Variants in PDE4B observed in about 807,000 individuals in gnomAD.
PDE4B encodes 3',5'-cyclic-AMP phosphodiesterase 4B.
A neutral mutation model predicts 82.2 loss-of-function variants in PDE4B; 20 were observed. That is an observed-to-expected ratio of 0.24 (90% CI 0.17 to 0.35). The LOEUF is 0.35. Among genes scored for constraint, PDE4B ranks in the 10% least tolerant of loss-of-function variants. The pLI, the probability that PDE4B is intolerant of heterozygous loss-of-function variation, is 1.00. For missense variants in PDE4B, 655 were observed against 907.2 expected (o/e 0.72, Z 3.57); for synonymous variants, 320 against 318.9 (o/e 1.00, Z -0.04).
chr1:65,866,208 A>G (rs1571037296), intron 1 of PDE4B, among the ~76,000 whole-genome samples: 1 of 152,110 alleles, frequency 6.6e-6, no homozygotes, highest in Non-Finnish European at 1.5e-5. Context: ...TTTTATGGTT[A>G]TATGGGCACT....
At position 66,276,809 on chromosome 1, in the gene PDE4B, T is replaced by C. The variant is rs145694678; in HGVS notation, c.634+10722T>C. ...TTCATGACTATACACTTGATAATTG[T>C]AATGAAGGAAAGTACAGAATGCTAT... On this transcript the variant is annotated intron_variant, in intron 7 of 16. Transcript: ENST00000341517. 3.8e-3 allele frequency among the ~76,000 whole-genome samples: 580 copies of C among 152,306 alleles called. 4 individuals are homozygous for C. Among genetic ancestry groups the C allele is most frequent in the African/African-American group, 0.013 (553 of 41,564 alleles).
At chr1:65,848,918 A>G (rs1383590976) in intron 1 of PDE4B, among the ~76,000 whole-genome samples, 1 of 152,126 alleles carries the variant, frequency 6.6e-6, no homozygotes, top group Admixed American at 6.6e-5. Flanking sequence ...GGGTCCAATC[A>G]AGAGACAGGA....
intron 8 of PDE4B, among the ~76,000 whole-genome samples, chr1:66,333,313 A>G (rs1458008762): frequency 6.6e-6 from 1 of 152,220 alleles, no homozygotes; most frequent in Non-Finnish European, 1.5e-5. Context: ...AGCCTTAATT[A>G]TCTATCATTA....
rs1656506630 is a variant in PDE4B, at chr1:66,077,704, AATTT to A, written c.281+158873_281+158876del. 3.3e-5 allele frequency among the ~76,000 whole-genome samples: 5 copies of A among 152,130 alleles called. No homozygotes were observed. In the South Asian group the frequency reaches 1.0e-3, roughly 32 times the overall value. The stretch of plus-strand genomic sequence containing the variant: ...GTGCCAGGTACTTCTGAGAGATATT[AATTT>A]ATTATTAAAGGCCACATTGTGAAGA... On this transcript the variant is annotated intron_variant, in intron 3 of 16. Coordinates refer to ENST00000341517, the MANE Select transcript of PDE4B (RefSeq NM_002600.4).
intron 7 of PDE4B, among the ~76,000 whole-genome samples, chr1:66,322,434 A>G (rs1463148649): frequency 6.6e-6 from 1 of 152,132 alleles, no homozygotes; most frequent in East Asian, 1.9e-4. Context: ...AAGGGCTAAT[A>G]TCCGGAATCT....
At chr1:66,246,650 G>C (rs777608057) in intron 3 of PDE4B, among the ~76,000 whole-genome samples, 1 of 152,184 alleles carries the variant, frequency 6.6e-6, no homozygotes, top group Non-Finnish European at 1.5e-5. Context: ...GAAAACAAGA[G>C]ACAAAATCTC....
intron 3 of PDE4B, among the ~76,000 whole-genome samples, chr1:66,105,494 G>T (rs1378141627): frequency 2.6e-5 from 4 of 152,124 alleles, no homozygotes; most frequent in Admixed American, 2.0e-4. Context: ...TTGGTAACTT[G>T]ATGGGGATGG....
intron 3 of PDE4B, among the ~76,000 whole-genome samples, chr1:66,202,199 G>C (rs984280001): frequency 6.6e-6 from 1 of 151,990 alleles, no homozygotes; most frequent in Non-Finnish European, 1.5e-5. Context: ...TGATTGCACT[G>C]TGGTCTGAGA....
chr1:66,337,572 G>T (rs1660627035), intron 8 of PDE4B, among the ~76,000 whole-genome samples: 3 of 152,196 alleles, frequency 2.0e-5, no homozygotes, highest in African/African-American at 7.2e-5. Flanking sequence ...GGAGATGGAA[G>T]GACATGGGGA....
At position 66,083,131 on chromosome 1, in the gene PDE4B, T is replaced by C. The variant is rs369424341; in HGVS notation, c.281+164296T>C. On this transcript the variant is annotated intron_variant, in intron 3 of 16. Coordinates refer to ENST00000341517, the MANE Select transcript of PDE4B (RefSeq NM_002600.4). ...CAGCCTTCTAGTTAGTGTCCATGCC[T>C]ATAGTATTTTCTCCTTCATTCTCTG... Among the ~76,000 whole-genome samples, 35 of 152,274 alleles carry C rather than the reference T, an allele frequency of 2.3e-4. 1 individual carries two copies. In the South Asian group the frequency reaches 3.1e-3, roughly 14 times the overall value.
intron 8 of PDE4B, among the ~76,000 whole-genome samples, chr1:66,339,886 G>T (rs948929603): frequency 2.0e-5 from 3 of 148,582 alleles, no homozygotes; most frequent in Non-Finnish European, 4.4e-5. Flanking sequence ...AGTCTAAAAG[G>T]CTCCTAGGTT....
Position 65,931,980 on chromosome 1 carries a change from C to T in PDE4B, c.281+13145C>T, listed in dbSNP as rs1037010983. Among the ~76,000 whole-genome samples the T allele has an allele frequency of 5.3e-5, 8 of 152,304 alleles. No homozygotes were observed. In the South Asian group the frequency reaches 6.2e-4, roughly 12 times the overall value. On this transcript the variant is annotated intron_variant, in intron 3 of 16. Transcript: ENST00000341517. ...GCACTGACAGTTACCATATCCTTTC[C>T]CTCAGCTCAACACAGAGCAAGAAAA...
chr1:66,108,743 T>C (rs1645424537), intron 3 of PDE4B, among the ~76,000 whole-genome samples: 1 of 152,006 alleles, frequency 6.6e-6, no homozygotes, highest in South Asian at 2.1e-4. Context: ...AATGACATTA[T>C]GGTATCTATA....
At chr1:66,085,293 AT>A (rs1344582827) in intron 3 of PDE4B, among the ~76,000 whole-genome samples, 2 of 152,172 alleles carry the variant, frequency 1.3e-5, no homozygotes, top group Non-Finnish European at 2.9e-5. Context: ...GGTTTGAGAT[AT>A]AAGTATCTGT....
At chr1:66,158,146 G>A (rs1050071338) in intron 3 of PDE4B, among the ~76,000 whole-genome samples, 2 of 152,214 alleles carry the variant, frequency 1.3e-5, no homozygotes, top group African/African-American at 4.8e-5. Context: ...TAAAAATATA[G>A]GAATTCACAA....
intron 3 of PDE4B, among the ~76,000 whole-genome samples, chr1:66,052,809 G>A (rs756241354): frequency 8.5e-5 from 13 of 152,116 alleles, no homozygotes; most frequent in Non-Finnish European, 1.6e-4. Context: ...GACACTAGCG[G>A]TTTTCCCAGA....
chr1:65,992,624 G>GAT, intron 3 of PDE4B: 1 of 603,888 alleles, frequency 1.7e-6, no homozygotes, highest in Non-Finnish European at 2.3e-6. Flanking sequence ...TCAGTGTGTA[G>GAT]CTTGCAGACA....
At chr1:65,855,116 T>C (rs1475802819) in intron 1 of PDE4B, among the ~76,000 whole-genome samples, 3 of 150,996 alleles carry the variant, frequency 2.0e-5, no homozygotes, top group Non-Finnish European at 4.4e-5. Context: ...AGTTATAATA[T>C]CTGCTTTTAC....
intron 3 of PDE4B, among the ~76,000 whole-genome samples, chr1:66,159,794 A>AT (rs1178416057): frequency 6.6e-6 from 1 of 152,172 alleles, no homozygotes; most frequent in African/African-American, 2.4e-5. Flanking sequence ...CCTGGGAAGC[A>AT]TTTGAAATTG....
Sources: allele counts gnomAD v4.1 joint callset (sites outside exome capture counted in the v4.1 genomes callset), GRCh38; gene constraint gnomAD v4.1.1; transcripts MANE v1.5; gene names NCBI Gene and HGNC (gene_info 2026-07-23, HGNC 2026-07-21).